The following NEK5 variants were observed in gnomAD, a reference collection of about 807,000 sequenced individuals.
NEK5 encodes serine/threonine-protein kinase Nek5.
In NEK5, 88 loss-of-function variants were observed where a neutral mutation model predicts 109.2. The observed-to-expected ratio is 0.81, with a 90% confidence interval of 0.68 to 0.96. The LOEUF (loss-of-function observed/expected upper bound fraction) is 0.96. Among genes scored for constraint, NEK5 ranks in the 40% least tolerant of loss-of-function variants. NEK5 has a pLI of 0.00. For synonymous variants in NEK5, 283 were observed against 299.9 expected, an observed-to-expected ratio of 0.94 and a Z score of 0.58; for missense variants, 834 against 920.7, an observed-to-expected ratio of 0.91 and a Z score of 1.22.
intron 3 of NEK5, among the ~76,000 whole-genome samples, chr13:52,119,829 G>A (rs1394606560): frequency 1.3e-5 from 2 of 152,140 alleles, no homozygotes; most frequent in Non-Finnish European, 2.9e-5. Context: ...ATATCCCACA[G>A]AAATCAGGTC....
intron 8 of NEK5, among the ~76,000 whole-genome samples, chr13:52,106,366 T>TCG (rs1227735950): frequency 1.1e-4 from 16 of 152,328 alleles, no homozygotes; most frequent in African/African-American, 3.1e-4. Context: ...ATCTTCCTTA[T>TCG]CGCCAACTTG....
chr13:52,083,423 G>A (rs137927253), intron 16 of NEK5, 71 bp from the exon 17 acceptor site: 26 of 885,040 alleles, frequency 2.9e-5, no homozygotes, highest in Middle Eastern at 4.3e-4. Flanking sequence ...TGGCTGATGC[G>A]CGATCAATGA....
chr13:52,045,730 A>G (rs1954452863), intron 23 of NEK5, among the ~76,000 whole-genome samples: 1 of 130,408 alleles, frequency 7.7e-6, no homozygotes, highest in Non-Finnish European at 1.6e-5. Context: ...GCACCACTGC[A>G]CTCCAGCCTG....
intron 17 of NEK5, among the ~76,000 whole-genome samples, chr13:52,080,640 A>G (rs992869928): frequency 6.6e-6 from 1 of 152,128 alleles, no homozygotes; most frequent in Admixed American, 6.5e-5. Flanking sequence ...CTCAGGGTTA[A>G]ATGGATTAAG....
chr13:52,046,314 A>G lies in NEK5; in HGVS notation c.2228+3790T>C, dbSNP rs544576300. Among the ~76,000 whole-genome samples, 5 of 140,918 alleles carry G rather than the reference A, an allele frequency of 3.5e-5. No homozygotes were observed. The South Asian group carries it at 9.0e-4, about 25-fold the overall frequency. 92.4% of individuals were successfully genotyped at this position (140,918 alleles called of 152,430 possible). On this transcript the variant is annotated intron_variant, in intron 23 of 23. Transcript: ENST00000684899. Reference sequence around the variant, plus strand: ...CAACACGGCAAGACCCTGTCTCTACAAAAAAAAAAAAAAATAGCTGGGCAT... The same window carrying G: ...CAACACGGCAAGACCCTGTCTCTACGAAAAAAAAAAAAAATAGCTGGGCAT...
intron 21 of NEK5, among the ~76,000 whole-genome samples, chr13:52,063,076 C>G (rs945925919): frequency 7.3e-5 from 11 of 150,966 alleles, no homozygotes; most frequent in Admixed American, 2.0e-4. Context: ...CCCCTCTCCC[C>G]ACGGTCTCCC....
chr13:52,071,890 TG>T, intron 20 of NEK5, 53 bp downstream of exon 20: 1 of 1,548,996 alleles, frequency 6.5e-7, no homozygotes, highest in Non-Finnish European at 8.9e-7. Context: ...GAGTTCAAAA[TG>T]GGTTGCTAAT....
intron 15 of NEK5, among the ~76,000 whole-genome samples, chr13:52,087,066 T>C (rs1955160794): frequency 6.6e-6 from 1 of 152,228 alleles, no homozygotes; most frequent in East Asian, 1.9e-4. Flanking sequence ...TGTTGAACTC[T>C]GTTACAGCAG....
chr13:52,050,022 T>C (rs980116176), intron 23 of NEK5, 82 bp downstream of exon 23: 3 of 348,012 alleles, frequency 8.6e-6, no homozygotes, highest in African/African-American at 2.2e-5. Flanking sequence ...CAGGTCTCAG[T>C]TGGCTATTTT....
intron 22 of NEK5, among the ~76,000 whole-genome samples, chr13:52,060,147 T>C (rs1005001747): frequency 6.6e-6 from 1 of 152,100 alleles, no homozygotes; most frequent in Non-Finnish European, 1.5e-5. Context: ...AATGACTAAT[T>C]ATGAGTTTAT....
intron 1 of NEK5, among the ~76,000 whole-genome samples, chr13:52,128,375 G>A (rs2138170691): frequency 6.6e-6 from 1 of 152,230 alleles, no homozygotes; most frequent in East Asian, 1.9e-4. Flanking sequence ...CGACTCCCCA[G>A]GCGCGGCTAC....
chr13:52,108,905 C>CA (rs1162929053), intron 7 of NEK5, among the ~76,000 whole-genome samples: 1 of 152,114 alleles, frequency 6.6e-6, no homozygotes, highest in Non-Finnish European at 1.5e-5. Flanking sequence ...CTTAGTATAA[C>CA]AAAGTTATCA....
At chr13:52,058,674 A>T (rs975261809) in intron 22 of NEK5, among the ~76,000 whole-genome samples, 11 of 151,826 alleles carry the variant, frequency 7.2e-5, no homozygotes, top group Non-Finnish European at 1.3e-4. Flanking sequence ...CTGATCTTTG[A>T]CAAACCTGAC....
At position 52,089,249 on chromosome 13, in the gene NEK5, A is replaced by G. The variant is rs372845356; in HGVS notation, c.1273T>C (p.Leu425=). The change falls in exon 14 of 24, where the codon TTG becomes CTG. Residue 425 remains leucine (L), a splice_region_variant and synonymous_variant. Transcript: ENST00000684899. ...QQYKLKVEKQ[L]GLRPSSAEPN... The stretch of plus-strand genomic sequence containing the variant: ...CCCATATTTGGTATTTTACTTACCA[A>G]TTGCTTCTCCACTTTCAACTTATAT... 6.3e-7 allele frequency: 1 copy of G among 1,578,788 alleles called. No individual in the cohort carries two copies. The highest frequency in any genetic ancestry group is 8.7e-7 in the Non-Finnish European group (1 of 1,148,728).
Position 52,083,286 on chromosome 13 carries a change from C to T in NEK5, c.1546G>A (p.Ala516Thr), listed in dbSNP as rs1329857999. ...TGCACAGGTGCTTCTCCCTCAGATG[C>T]ATCTTGATGGACAGGCAGGTTACTC... is the stretch of plus-strand genomic sequence containing the variant. The part of the protein sequence containing the change: ...KKSNLPVHQD[A>T]SEGEAPVQDI... Residue 516 changes from alanine to threonine, a missense_variant, in exon 17 of 24, where the codon GCA becomes ACA. Coordinates refer to ENST00000684899, the MANE Select transcript of NEK5 (RefSeq NM_001365552.1). 3 of 1,612,742 alleles carry T rather than the reference C, an allele frequency of 1.9e-6. No individual in the cohort carries two copies. The highest frequency in any genetic ancestry group is 2.5e-6 in the Non-Finnish European group (3 of 1,178,720).
At chr13:52,115,138 C>T (rs1428827714) in intron 4 of NEK5, among the ~76,000 whole-genome samples, 2 of 151,692 alleles carry the variant, frequency 1.3e-5, no homozygotes, top group Admixed American at 6.6e-5. Flanking sequence ...TCAGCCTCTC[C>T]GAGTAGCTGG....
At chr13:52,037,781 G>A (rs1277875110) in intron 23 of NEK5, among the ~76,000 whole-genome samples, 1 of 152,112 alleles carries the variant, frequency 6.6e-6, no homozygotes, top group African/African-American at 2.4e-5. Context: ...AAATTAGCCG[G>A]GCGTGGTACC....
intron 3 of NEK5, among the ~76,000 whole-genome samples, chr13:52,121,159 C>CTTT (rs34187285): frequency 1.5e-5 from 2 of 136,580 alleles, no homozygotes; most frequent in Admixed American, 7.4e-5. Context: ...CTGAAGAAAT[C>CTTT]TTTTTTTTTT....
At chr13:52,037,837 G>A (rs1326787966) in intron 23 of NEK5, among the ~76,000 whole-genome samples, 2 of 151,836 alleles carry the variant, frequency 1.3e-5, no homozygotes, top group African/African-American at 2.4e-5. Flanking sequence ...GCAGGAGAAT[G>A]GCATGAACCT....
Sources: gnomAD v4.1 joint callset for allele counts (sites outside exome capture counted in the v4.1 genomes callset) on GRCh38, gnomAD v4.1.1 for gene constraint, MANE v1.5 for transcripts, NCBI Gene and HGNC (gene_info 2026-07-23, HGNC 2026-07-21) for gene names.